Variants in NKAIN3 observed in about 807,000 individuals in gnomAD.
NKAIN3 encodes sodium/potassium transporting ATPase interacting 3, also known as sodium/potassium-transporting ATPase subunit beta-1-interacting protein 3.
A neutral mutation model predicts 30.2 loss-of-function variants in NKAIN3; 25 were observed. The ratio of observed to expected loss-of-function variants is 0.83; its 90% CI spans 0.60 to 1.16. NKAIN3 has a LOEUF of 1.16. Ranked by LOEUF, NKAIN3 falls within the 50% of genes most tolerant of loss-of-function variation. NKAIN3 has a pLI of 0.00. For missense variants in NKAIN3, 225 were observed against 254.1 expected (o/e 0.89, Z 0.78); for synonymous variants, 91 against 89.6 (o/e 1.02, Z -0.09).
At chr8:62,481,666 A>C (rs372013136) in intron 1 of NKAIN3, among the ~76,000 whole-genome samples, 1 of 152,228 alleles carries the variant, frequency 6.6e-6, no homozygotes, top group African/African-American at 2.4e-5. Flanking sequence ...AAGGTCATCT[A>C]GAAATCGATA....
intron 1 of NKAIN3, among the ~76,000 whole-genome samples, chr8:62,409,611 G>A (rs1804177875): frequency 1.3e-5 from 2 of 151,906 alleles, no homozygotes; most frequent in South Asian, 4.1e-4. Context: ...TCCCCAAGAT[G>A]TTAATATTTA....
At chr8:62,255,527 G>C (rs1812236303) in intron 1 of NKAIN3, among the ~76,000 whole-genome samples, 1 of 152,170 alleles carries the variant, frequency 6.6e-6, no homozygotes, top group South Asian at 2.1e-4. Context: ...TAAGCCACTT[G>C]GTTGTGATAC....
At chr8:62,559,621 A>T (rs544656538) in intron 1 of NKAIN3, among the ~76,000 whole-genome samples, 1 of 152,044 alleles carries the variant, frequency 6.6e-6, no homozygotes, top group Admixed American at 6.6e-5. Flanking sequence ...TGGCATACAT[A>T]TAAGAGTCTT....
At chr8:62,549,323 C>T (rs141493338) in intron 1 of NKAIN3, among the ~76,000 whole-genome samples, 3 of 152,168 alleles carry the variant, frequency 2.0e-5, no homozygotes, top group East Asian at 3.9e-4. Context: ...CTCTGCTGCA[C>T]TTCTTTTTTT....
At position 62,911,081 on chromosome 8, in the gene NKAIN3, A is replaced by C. The variant is rs140327292; in HGVS notation, c.472-7372A>C. On this transcript the variant is annotated intron_variant, in intron 4 of 6. Coordinates refer to ENST00000623646, the MANE Select transcript of NKAIN3 (RefSeq NM_001304533.3). ...TACTTTAGGCATCATTCTCATATTG[A>C]AAAACATCAAAAAAGACAAAATAAT... Among the ~76,000 whole-genome samples, 28 of 152,316 alleles carry C rather than the reference A, an allele frequency of 1.8e-4. No individual in the cohort carries two copies. In the East Asian group the frequency reaches 5.4e-3, roughly 29 times the overall value.
At chr8:62,476,844 C>A (rs936004859) in intron 1 of NKAIN3, among the ~76,000 whole-genome samples, 1 of 151,912 alleles carries the variant, frequency 6.6e-6, no homozygotes, top group Non-Finnish European at 1.5e-5. Context: ...TTGGCTTGTC[C>A]CTGTCTCTTG....
chr8:62,952,041 C>G (rs976263599), intron 5 of NKAIN3, among the ~76,000 whole-genome samples: 1 of 152,068 alleles, frequency 6.6e-6, no homozygotes, highest in Non-Finnish European at 1.5e-5. Flanking sequence ...TTCAAATAAT[C>G]TTCCCAACTT....
At chr8:62,466,952 T>A (rs1806182102) in intron 1 of NKAIN3, among the ~76,000 whole-genome samples, 1 of 152,176 alleles carries the variant, frequency 6.6e-6, no homozygotes. Flanking sequence ...CACATTTGCT[T>A]GCTTAAATTT....
chr8:62,935,165 A>G (rs1490700495), intron 5 of NKAIN3, among the ~76,000 whole-genome samples: 1 of 152,192 alleles, frequency 6.6e-6, no homozygotes, highest in Non-Finnish European at 1.5e-5. Context: ...GAAGAAATCC[A>G]ACCAAACACA....
intron 1 of NKAIN3, among the ~76,000 whole-genome samples, chr8:62,366,105 A>G (rs150423710): frequency 1.6e-4 from 24 of 151,796 alleles, no homozygotes; most frequent in East Asian, 1.4e-3. Flanking sequence ...CAGACTTTCT[A>G]TCTGTTCCTA....
chr8:62,353,869 G>C (rs1389350766), intron 1 of NKAIN3, among the ~76,000 whole-genome samples: 2 of 152,100 alleles, frequency 1.3e-5, no homozygotes, highest in Non-Finnish European at 2.9e-5. Context: ...ATTGATTTAA[G>C]ATTTCACAGG....
At chr8:62,821,164 T>A (rs1818837478) in intron 4 of NKAIN3, among the ~76,000 whole-genome samples, 1 of 152,154 alleles carries the variant, frequency 6.6e-6, no homozygotes, top group African/African-American at 2.4e-5. Context: ...TTATTGATAG[T>A]AAATGTTTCC....
At chr8:62,852,871 C>T (rs1223114889) in intron 4 of NKAIN3, among the ~76,000 whole-genome samples, 2 of 152,074 alleles carry the variant, frequency 1.3e-5, no homozygotes, top group Non-Finnish European at 2.9e-5. Context: ...GCTTAACTTC[C>T]AAGTATGTGG....
chr8:62,503,144 A>G (rs1204145338), intron 1 of NKAIN3, among the ~76,000 whole-genome samples: 3 of 152,078 alleles, frequency 2.0e-5, no homozygotes. Context: ...GGTTCTTTCT[A>G]TTTTCCCTAA....
chr8:62,950,944 C>CTTTTTTTTTTT (rs71559384), intron 5 of NKAIN3, among the ~76,000 whole-genome samples: 1 of 100,664 alleles, frequency 9.9e-6, no homozygotes, highest in Admixed American at 1.2e-4. Context: ...AAACAGAATC[C>CTTTTTTTTTTT]TTTTTTTTTT....
intron 3 of NKAIN3, among the ~76,000 whole-genome samples, chr8:62,658,790 T>A (rs968574285): frequency 4.6e-5 from 7 of 152,184 alleles, no homozygotes; most frequent in African/African-American, 1.7e-4. Context: ...AAAGTATTAC[T>A]CCTTTCTCTT....
At chr8:62,644,180 T>A (rs941108392) in intron 3 of NKAIN3, among the ~76,000 whole-genome samples, 1 of 152,126 alleles carries the variant, frequency 6.6e-6, no homozygotes, top group Non-Finnish European at 1.5e-5. Flanking sequence ...ACTCTCTTAG[T>A]CCCTTCAGCT....
At chr8:62,939,937 G>C (rs60009596) in intron 5 of NKAIN3, among the ~76,000 whole-genome samples, 2,767 of 152,136 alleles carry the variant, frequency 0.018, 88 homozygotes, top group African/African-American at 0.063. Flanking sequence ...TAAATGGCTT[G>C]AATGCTCCAC....
intron 3 of NKAIN3, among the ~76,000 whole-genome samples, chr8:62,672,375 C>T (rs946695021): frequency 2.0e-5 from 3 of 152,164 alleles, no homozygotes; most frequent in African/African-American, 7.2e-5. Context: ...AACACTAATC[C>T]TCACTAACAG....
Sources: gnomAD v4.1 joint callset for allele counts (sites outside exome capture counted in the v4.1 genomes callset) on GRCh38, gnomAD v4.1.1 for gene constraint, MANE v1.5 for transcripts, NCBI Gene and HGNC (gene_info 2026-07-23, HGNC 2026-07-21) for gene names.